Variants in GNG7 observed in about 807,000 individuals in gnomAD.
GNG7 encodes the protein guanine nucleotide-binding protein G(I)/G(S)/G(O) subunit gamma-7.
Under a neutral mutation model 4.0 loss-of-function variants are expected in GNG7, and 1 was observed. The ratio of observed to expected loss-of-function variants is 0.25; its 90% CI spans 0.09 to 1.18. The LOEUF (loss-of-function observed/expected upper bound fraction) is 1.18, where lower values mean the gene tolerates loss of function less well. Ranked by LOEUF, GNG7 falls within the 50% of genes most tolerant of loss-of-function variation. GNG7 has a pLI of 0.50. For synonymous variants in GNG7, 34 were observed against 36.9 expected (o/e 0.92, Z 0.29); for missense variants, 86 against 91.9 (o/e 0.94, Z 0.26).
chr19:2,553,560 A>G lies in GNG7; in HGVS notation c.-38+1589T>C, dbSNP rs187073137. ...CATCACATTACATATATGTAATATC[A>G]CATGTAATAAATCATATCACATACA... On this transcript the variant is annotated intron_variant, in intron 3 of 4. Transcript: ENST00000382159. Among the ~76,000 whole-genome samples the G allele has an allele frequency of 4.6e-3, 686 of 149,440 alleles. 10 individuals carry two copies. Among genetic ancestry groups the G allele is most frequent in the African/African-American group, 0.016 (658 of 41,034 alleles).
chr19:2,669,922 A>T (rs1230891934), intron 1 of GNG7, among the ~76,000 whole-genome samples: 1 of 151,718 alleles, frequency 6.6e-6, no homozygotes, highest in Non-Finnish European at 1.5e-5. Context: ...AGGCATGAGA[A>T]TCACTTGAAC....
At chr19:2,551,812 T>G (rs924292581) in intron 3 of GNG7, among the ~76,000 whole-genome samples, 3 of 152,002 alleles carry the variant, frequency 2.0e-5, no homozygotes, top group African/African-American at 7.2e-5. Flanking sequence ...GCCTCCCAAG[T>G]AGCTGGGATT....
intron 3 of GNG7, among the ~76,000 whole-genome samples, chr19:2,550,497 C>T (rs544485112): frequency 4.0e-4 from 61 of 152,210 alleles, no homozygotes; most frequent in African/African-American, 1.4e-3. Flanking sequence ...CAAAGTGCTG[C>T]GATTACAGGC....
At chr19:2,596,461 G>A (rs1272442909) in intron 2 of GNG7, among the ~76,000 whole-genome samples, 3 of 152,006 alleles carry the variant, frequency 2.0e-5, no homozygotes, top group Non-Finnish European at 2.9e-5. Context: ...GAGCCCAGGA[G>A]TTTCAGACCA....
chr19:2,594,515 C>T (rs1485613538), intron 2 of GNG7, among the ~76,000 whole-genome samples: 1 of 152,130 alleles, frequency 6.6e-6, no homozygotes, highest in Non-Finnish European at 1.5e-5. Flanking sequence ...GCCTGAAGCA[C>T]GCAGGCCAGG....
intron 2 of GNG7, among the ~76,000 whole-genome samples, chr19:2,616,212 C>T (rs143157691): frequency 0.026 from 4,018 of 152,170 alleles, 169 homozygotes; most frequent in African/African-American, 0.092. Flanking sequence ...AGTTCAAAAC[C>T]AGCCTGGGCA....
At chr19:2,696,891 G>A (rs1285332315) in intron 1 of GNG7, among the ~76,000 whole-genome samples, 1 of 152,194 alleles carries the variant, frequency 6.6e-6, no homozygotes, top group Non-Finnish European at 1.5e-5. Context: ...TTGAGACAGA[G>A]TCTCGCTCTG....
At chr19:2,679,205 A>G (rs115399907) in intron 1 of GNG7, among the ~76,000 whole-genome samples, 91 of 152,076 alleles carry the variant, frequency 6.0e-4, no homozygotes, top group African/African-American at 2.2e-3. Context: ...GTGCACCACC[A>G]TATCTGGCTA....
intron 2 of GNG7, among the ~76,000 whole-genome samples, chr19:2,568,769 CACAT>C (rs1245556695): frequency 6.7e-6 from 1 of 148,256 alleles, no homozygotes; most frequent in African/African-American, 2.5e-5. Flanking sequence ...TACACATATA[CACAT>C]AAATACACAT....
intron 4 of GNG7, among the ~76,000 whole-genome samples, chr19:2,516,664 T>C (rs565934195): frequency 5.3e-5 from 8 of 152,228 alleles, no homozygotes; most frequent in Non-Finnish European, 1.2e-4. Flanking sequence ...AGGAAGGTCC[T>C]GATAGGAAAA....
intron 1 of GNG7, among the ~76,000 whole-genome samples, chr19:2,698,779 C>T (rs16991296): frequency 0.017 from 2,596 of 152,042 alleles, 90 homozygotes; most frequent in African/African-American, 0.06. Flanking sequence ...CCACTACTAT[C>T]GGTGAACAAG....
intron 2 of GNG7, among the ~76,000 whole-genome samples, chr19:2,641,536 G>C (rs546149811): frequency 6.9e-4 from 105 of 152,254 alleles, no homozygotes; most frequent in Admixed American, 2.0e-3. Flanking sequence ...AGGGATGTGG[G>C]TGCCTCTAGA....
At chr19:2,640,093 GAAGGAGGGAGGGA>G (rs1982462974) in intron 2 of GNG7, among the ~76,000 whole-genome samples, 1 of 104,902 alleles carries the variant, frequency 9.5e-6, no homozygotes, top group African/African-American at 3.6e-5. Flanking sequence ...AGGGAGGAAG[GAAGGAGGGAGGGA>G]AGGAGGGAGG....
At chr19:2,652,283 G>C (rs1001108092) in intron 1 of GNG7, among the ~76,000 whole-genome samples, 2 of 152,062 alleles carry the variant, frequency 1.3e-5, no homozygotes, top group Non-Finnish European at 2.9e-5. Context: ...AAAACACTGC[G>C]TAATCCCACG....
intron 2 of GNG7, among the ~76,000 whole-genome samples, chr19:2,625,881 G>A (rs925789104): frequency 4.6e-5 from 7 of 152,056 alleles, no homozygotes; most frequent in Non-Finnish European, 8.8e-5. Flanking sequence ...TCCGCCTCCC[G>A]GGTTCAAGCG....
intron 1 of GNG7, among the ~76,000 whole-genome samples, chr19:2,661,294 GAA>G (rs1289528805): frequency 0.031 from 1,303 of 42,190 alleles, 25 homozygotes; most frequent in African/African-American, 0.072. Flanking sequence ...AAGAAAGAAA[GAA>G]AGAAAGAGAA....
chr19:2,646,639 C>T (rs949836418), intron 1 of GNG7, among the ~76,000 whole-genome samples: 1 of 151,058 alleles, frequency 6.6e-6, no homozygotes, highest in Admixed American at 6.6e-5. Context: ...GAGCTGAGAT[C>T]GAGCCACTGT....
intron 3 of GNG7, among the ~76,000 whole-genome samples, chr19:2,553,118 G>GA (rs1979388010): frequency 1.3e-5 from 1 of 78,762 alleles, no homozygotes. Context: ...CTGACCAAAA[G>GA]CAAAACCAAA....
At chr19:2,649,438 C>T (rs966553024) in intron 1 of GNG7, among the ~76,000 whole-genome samples, 3 of 106,770 alleles carry the variant, frequency 2.8e-5, no homozygotes, top group African/African-American at 1.0e-4. Context: ...TGCTCTGTCA[C>T]CCAGGCTGGA....
Sources: allele counts gnomAD v4.1 joint callset (sites outside exome capture counted in the v4.1 genomes callset), GRCh38; gene constraint gnomAD v4.1.1; transcripts MANE v1.5; gene names NCBI Gene and HGNC (gene_info 2026-07-23, HGNC 2026-07-21).